The following PROK1 variants were observed in gnomAD, a reference collection of about 807,000 sequenced individuals.
PROK1 encodes the protein prokineticin-1.
A neutral mutation model predicts 8.8 loss-of-function variants in PROK1; 10 were observed. That is an observed-to-expected ratio of 1.13 (90% CI 0.70 to 1.92). The LOEUF (loss-of-function observed/expected upper bound fraction) is 1.92, where lower values mean the gene tolerates loss of function less well. PROK1 is among the 30% of genes most tolerant of loss of function. The pLI, the probability that PROK1 is intolerant of heterozygous loss-of-function variation, is 0.00. For missense variants in PROK1, 140 were observed against 139.7 expected (o/e 1.00, Z -0.01); for synonymous variants, 57 against 56.0 (o/e 1.02, Z -0.08).
At chr1:110,456,139 G>A (rs890711141) in intron 2 of PROK1, 93 bp from the exon 3 acceptor site, 2 of 1,406,526 alleles carry the variant, frequency 1.4e-6, no homozygotes, top group Non-Finnish European at 2.0e-6. Flanking sequence ...GTGTGGGGGT[G>A]AGACTTTTGC....
rs202241741 is a variant in PROK1 at position 110,456,377 on chromosome 1, A to T, written c.*26A>T. On this transcript the variant is annotated 3_prime_UTR_variant, in exon 3 of 3. Coordinates refer to ENST00000271331, the MANE Select transcript of PROK1 (RefSeq NM_032414.3). ...GCGCTTGCCTGGTCTCAGGATACCC[A>T]CCATCCTTTTCCTGAGCACAGCCTG... 1.9e-6 allele frequency: 3 copies of T among 1,613,180 alleles called. No homozygotes were observed. The highest frequency in any genetic ancestry group is 2.5e-6 in the Non-Finnish European group (3 of 1,179,960).
chr1:110,456,695 C>T lies in PROK1; in HGVS notation c.*344C>T. 1 of 381,462 alleles carries T rather than the reference C, an allele frequency of 2.6e-6. No homozygotes were observed. The highest frequency in any genetic ancestry group is 2.1e-5 in the South Asian group (1 of 46,566). 23.6% of individuals were successfully genotyped at this position (381,462 alleles called of 1,614,324 possible). A position where few individuals can be genotyped will look rare whatever the true frequency, so the allele number is the denominator to read the frequency against. On this transcript the variant is annotated 3_prime_UTR_variant, in exon 3 of 3. Coordinates refer to ENST00000271331, the MANE Select transcript of PROK1 (RefSeq NM_032414.3). ...TCTCTTTCCTGGGCCCTGCCCCTCT[C>T]CCCACATGTATCCCTCGGTCTGAAT...
chr1:110,451,906 G>A (rs944155432), intron 1 of PROK1, among the ~76,000 whole-genome samples: 8 of 152,192 alleles, frequency 5.3e-5, no homozygotes, highest in African/African-American at 1.9e-4. Flanking sequence ...ATAACAAGTA[G>A]ATATCCAGTC....
At position 110,456,466 on chromosome 1, in the gene PROK1, T is replaced by C; in HGVS notation, c.*115T>C. On this transcript the variant is annotated 3_prime_UTR_variant, in exon 3 of 3. Transcript: ENST00000271331. ...CTCCCAGTCCCTACACTGACTACCC[T>C]GATCTCTCTTGTCTAGTACGCACAT... 7.7e-7 allele frequency: 1 copy of C among 1,292,286 alleles called. No homozygotes were observed. Among genetic ancestry groups the C allele is most frequent in the Non-Finnish European group, 1.1e-6 (1 of 905,676 alleles). 80.1% of individuals were successfully genotyped at this position (1,292,286 alleles called of 1,614,324 possible).
Position 110,456,644 on chromosome 1 carries a change from CCCCCT to C in PROK1, c.*303_*307del. 2.3e-6 allele frequency: 1 copy of C among 435,530 alleles called. No individual in the cohort carries two copies. Among genetic ancestry groups the C allele is most frequent in the South Asian group, 2.1e-5 (1 of 48,380 alleles). 27.0% of individuals were successfully genotyped at this position (435,530 alleles called of 1,614,324 possible). A position where few individuals can be genotyped will look rare whatever the true frequency, so the allele number is the denominator to read the frequency against. On this transcript the variant is annotated 3_prime_UTR_variant, in exon 3 of 3. Coordinates refer to ENST00000271331, the MANE Select transcript of PROK1 (RefSeq NM_032414.3). ...GGTGGTAAATGGCAGAAAGGACATT[CCCCCT>C]CCCCTCCCCAGGTGACCTGCTCTCT...
intron 1 of PROK1, 146 bp downstream of exon 1, chr1:110,451,434 T>C (rs1664088290): frequency 1.3e-6 from 1 of 740,920 alleles, no homozygotes; most frequent in East Asian, 2.7e-5. Context: ...ATTAAAGGGA[T>C]TGCATGCGAT....
chr1:110,455,465 C>T (rs1206798350), intron 2 of PROK1, among the ~76,000 whole-genome samples: 2 of 152,214 alleles, frequency 1.3e-5, no homozygotes, highest in Non-Finnish European at 2.9e-5. Flanking sequence ...GTGAACGAGT[C>T]AGGACAATGT....
chr1:110,454,064 A>C lies in PROK1; in HGVS notation c.176A>C (p.Glu59Ala). 1.9e-6 allele frequency: 3 copies of C among 1,613,728 alleles called. No individual in the cohort carries two copies. The highest frequency in any genetic ancestry group is 2.5e-6 in the Non-Finnish European group (3 of 1,179,950). Residue 59 changes from glutamate to alanine, a missense_variant, in exon 2 of 3, where the codon GAG (glutamate) becomes GCG (alanine). Transcript: ENST00000271331. Reference sequence around the variant, plus strand: ...ACCCCGCTGGGGCGGGAAGGCGAGGAGTGCCACCCCGGCAGCCACAAGGTA... The same window carrying C: ...ACCCCGCTGGGGCGGGAAGGCGAGGCGTGCCACCCCGGCAGCCACAAGGTA... ...MCTPLGREGE[E>A]CHPGSHKVPF... is the part of the protein sequence containing the mutation.
chr1:110,453,099 C>T (rs1478548863), intron 1 of PROK1, among the ~76,000 whole-genome samples: 4 of 152,174 alleles, frequency 2.6e-5, no homozygotes, highest in Admixed American at 2.0e-4. Context: ...CCTGAAGGTG[C>T]CCATAGGCTT....
At chr1:110,452,586 G>A (rs1664103655) in intron 1 of PROK1, among the ~76,000 whole-genome samples, 1 of 152,200 alleles carries the variant, frequency 6.6e-6, no homozygotes, top group Non-Finnish European at 1.5e-5. Context: ...AGAGCGGCAG[G>A]CAAACATTTT....
chr1:110,453,056 G>A (rs1297394848), intron 1 of PROK1, among the ~76,000 whole-genome samples: 1 of 152,192 alleles, frequency 6.6e-6, no homozygotes, highest in African/African-American at 2.4e-5. Flanking sequence ...GCAAGTAGGA[G>A]GCTTCCAGGT....
intron 1 of PROK1, among the ~76,000 whole-genome samples, chr1:110,453,375 C>T (rs527546323): frequency 4.6e-5 from 7 of 152,338 alleles, no homozygotes; most frequent in African/African-American, 1.2e-4. Context: ...GCGATCCTCT[C>T]TGGGAATCAT....
At chr1:110,455,215 G>A (rs760027021) in intron 2 of PROK1, among the ~76,000 whole-genome samples, 2 of 152,164 alleles carry the variant, frequency 1.3e-5, no homozygotes, top group Non-Finnish European at 2.9e-5. Flanking sequence ...TTTCCTCCCT[G>A]GGCCTTGCCC....
At chr1:110,456,090 A>C in intron 2 of PROK1, 142 bp from the exon 3 acceptor site, 1 of 863,426 alleles carries the variant, frequency 1.2e-6, no homozygotes, top group Non-Finnish European at 1.9e-6. Context: ...TCTAATTGCT[A>C]TTATTGTTGT....
At chr1:110,451,346 G>T (rs943737441) in intron 1 of PROK1, 58 bp downstream of exon 1, 1 of 1,486,540 alleles carries the variant, frequency 6.7e-7, no homozygotes, top group South Asian at 1.1e-5. Flanking sequence ...GGGTCTGCAC[G>T]GGTTGTGAGC....
intron 2 of PROK1, among the ~76,000 whole-genome samples, chr1:110,454,991 C>T (rs1664149607): frequency 6.6e-6 from 1 of 152,196 alleles, no homozygotes; most frequent in African/African-American, 2.4e-5. Context: ...CACTCCTTGA[C>T]CTCCAGCTCC....
intron 1 of PROK1, among the ~76,000 whole-genome samples, 159 bp from the exon 2 acceptor site, chr1:110,453,802 A>C (rs185690902): frequency 3.7e-4 from 57 of 152,338 alleles, no homozygotes; most frequent in Non-Finnish European, 7.5e-4. Context: ...GAGCAAGGCA[A>C]TAAAGTGTGG....
chr1:110,452,422 T>C (rs1664100810), intron 1 of PROK1, among the ~76,000 whole-genome samples: 1 of 152,222 alleles, frequency 6.6e-6, no homozygotes, highest in South Asian at 2.1e-4. Flanking sequence ...ATGGGGTAGC[T>C]TGAAAATCTG....
At chr1:110,455,930 CAT>C (rs1664164731) in intron 2 of PROK1, among the ~76,000 whole-genome samples, 1 of 152,110 alleles carries the variant, frequency 6.6e-6, no homozygotes, top group Non-Finnish European at 1.5e-5. Flanking sequence ...AATCAATGGA[CAT>C]GTGTGTGCGT....
Sources: gnomAD v4.1 joint callset for allele counts (sites outside exome capture counted in the v4.1 genomes callset) on GRCh38, gnomAD v4.1.1 for gene constraint, MANE v1.5 for transcripts, NCBI Gene and HGNC (gene_info 2026-07-23, HGNC 2026-07-21) for gene names.